The following MYOM1 variants were observed in gnomAD, a reference collection of about 807,000 sequenced individuals.
MYOM1 encodes the protein myomesin-1.
MYOM1 carries 164 observed loss-of-function variants against 205.3 expected under a neutral mutation model. The observed-to-expected ratio is 0.80, with a 90% CI of 0.70 to 0.91. MYOM1 has a LOEUF of 0.91. MYOM1 is among the 40% of genes least tolerant of loss of function. The probability of loss-of-function intolerance (pLI) is 0.00; values close to 1 mark genes in which losing one functional copy is unlikely to be tolerated. For missense variants in MYOM1, 2,011 were observed against 2,127.3 expected (o/e 0.95, Z 1.08); for synonymous variants, 772 against 789.4 (o/e 0.98, Z 0.37).
Position 3,151,683 on chromosome 18 carries a change from A to C in MYOM1, c.1843+11T>G. 1 of 1,605,288 alleles carries C rather than the reference A, an allele frequency of 6.2e-7. No homozygotes were observed. The highest frequency in any genetic ancestry group is 8.5e-7 in the Non-Finnish European group (1 of 1,175,100). ...GTTTAGGGAAGGTCCTGAAAAATGA[A>C]AAGTGCTTACTTTTAAGTCTAGCTT... is the stretch of plus-strand genomic sequence containing the variant. On this transcript the variant is annotated intron_variant, in intron 12 of 37. Transcript: ENST00000356443.
At chr18:3,076,059 A>G (rs2079018113) in intron 34 of MYOM1, among the ~76,000 whole-genome samples, 1 of 152,162 alleles carries the variant, frequency 6.6e-6, no homozygotes, top group Non-Finnish European at 1.5e-5. Context: ...AAATGGGAAT[A>G]AAAGTCTGTT....
chr18:3,116,285 G>T, intron 21 of MYOM1, 46 bp downstream of exon 21: 1 of 1,567,630 alleles, frequency 6.4e-7, no homozygotes, highest in Non-Finnish European at 8.7e-7. Flanking sequence ...GTTCGTATTA[G>T]TAGAGCAGTT....
chr18:3,072,350 CTTTTT>C (rs78331937), intron 36 of MYOM1, among the ~76,000 whole-genome samples: 2,105 of 56,226 alleles, frequency 0.037, 160 homozygotes, highest in African/African-American at 0.17. Flanking sequence ...CCGCACCCGG[CTTTTT>C]TTTTTTTTTT....
chr18:3,189,096 C>A lies in MYOM1; in HGVS notation c.432-9G>T, dbSNP rs766084176. 3.1e-6 allele frequency: 5 copies of A among 1,603,988 alleles called. No homozygotes were observed. Among genetic ancestry groups the A allele is most frequent in the Non-Finnish European group, 4.3e-6 (5 of 1,174,278 alleles). ...CACTGACATGCTTTTGACTAAAACA[C>A]AACAATGGCAAAATGTAGATGTTGT... On this transcript the variant is annotated splice_polypyrimidine_tract_variant and intron_variant, in intron 3 of 37. Coordinates refer to ENST00000356443, the MANE Select transcript of MYOM1 (RefSeq NM_003803.4). This position sits in a 1 kb window ranked among gnomAD's most constrained non-coding sequence, Gnocchi z 4.8.
chr18:3,099,130 T>C (rs1236918642), intron 25 of MYOM1, among the ~76,000 whole-genome samples: 2 of 152,184 alleles, frequency 1.3e-5, no homozygotes, highest in Non-Finnish European at 2.9e-5. Flanking sequence ...AAGTTGGTTT[T>C]GAGAACATTA....
chr18:3,199,098 G>A (rs1000397370), intron 2 of MYOM1, among the ~76,000 whole-genome samples: 1 of 152,188 alleles, frequency 6.6e-6, no homozygotes, highest in Non-Finnish European at 1.5e-5. Context: ...TGTCATTCCT[G>A]CCTAGGCTTC....
upstream of MYOM1, among the ~76,000 whole-genome samples, chr18:3,222,483 T>G (rs2081336294): frequency 6.6e-6 from 1 of 152,236 alleles, no homozygotes; most frequent in South Asian, 2.1e-4. Flanking sequence ...TGATAATATT[T>G]TAGTTTTTCT....
At chr18:3,169,335 A>T (rs1166058220) in intron 8 of MYOM1, among the ~76,000 whole-genome samples, 2 of 152,238 alleles carry the variant, frequency 1.3e-5, no homozygotes, top group East Asian at 3.8e-4. Flanking sequence ...TTAGATGTTG[A>T]GTTAAACTCT....
intron 33 of MYOM1, among the ~76,000 whole-genome samples, chr18:3,083,080 A>C (rs2143677628): frequency 6.6e-6 from 1 of 152,328 alleles, no homozygotes; most frequent in East Asian, 1.9e-4. Context: ...GAAAGGTAAG[A>C]ATGTGGCTCC....
rs763991578 is a variant in MYOM1, at chr18:3,126,774, C to T, written c.2918G>A (p.Arg973His). 51 of 1,613,718 alleles carry T rather than the reference C, an allele frequency of 3.2e-5. No individual in the cohort carries two copies. The highest frequency in any genetic ancestry group is 4.5e-5 in the East Asian group (2 of 44,886). ...TCCTGGTACCCCATCAATGACCTCG[C>T]GATAGTTCACATAATAGCCAGTAAT... ...AEITGYYVNY[R>H]EVIDGVPGKW... is the part of the protein sequence containing the mutation. The change falls in exon 19 of 38, where the codon CGC (arginine) becomes CAC (histidine). Residue 973 changes from arginine (R) to histidine (H), a missense_variant. By Grantham distance (29) the Arg-to-His change is conservative. Coordinates refer to ENST00000356443, the MANE Select transcript of MYOM1 (RefSeq NM_003803.4).
At chr18:3,150,979 CTTT>C (rs1164882266) in intron 12 of MYOM1, among the ~76,000 whole-genome samples, 2 of 55,922 alleles carry the variant, frequency 3.6e-5, no homozygotes, top group African/African-American at 1.4e-4. Context: ...CCATGCCTGG[CTTT>C]TTTTTTTTTT....
Position 3,164,330 on chromosome 18 carries a change from A to G in MYOM1, c.1449T>C (p.Arg483=). Residue 483 remains arginine (R), a synonymous_variant, in exon 10 of 38, where the codon CGT becomes CGC. Coordinates refer to ENST00000356443, the MANE Select transcript of MYOM1 (RefSeq NM_003803.4). ...GTTCATAATATTCTCCCATCCGTAC[A>G]CGGATTGTATAGAGGCCTTCATCTT... The part of the protein sequence containing the change: ...NKEDEGLYTI[R]VRMGEYYEQY... 1 of 1,613,034 alleles carries G rather than the reference A, an allele frequency of 6.2e-7. No individual in the cohort carries two copies. The highest frequency in any genetic ancestry group is 1.3e-5 in the African/African-American group (1 of 75,070).
Position 3,126,855 on chromosome 18 carries a change from A to T in MYOM1, c.2837T>A (p.Phe946Tyr). The T allele has an allele frequency of 1.2e-6, 2 of 1,613,042 alleles. No homozygotes were observed. Among genetic ancestry groups the T allele is most frequent in the Non-Finnish European group, 1.7e-6 (2 of 1,179,540 alleles). The change falls in exon 19 of 38, where the codon TTT (phenylalanine) becomes TAT (tyrosine). Residue 946 changes from phenylalanine (F) to tyrosine (Y), a missense_variant. Physicochemically the swap from Phe to Tyr is conservative, Grantham distance 22. Transcript: ENST00000356443. ...PPCDITCLES[F>Y]RDSMVLGWKQ... ...CCATCCAAGAACCATTGAGTCACGA[A>T]AACTTTCAAGACAGGTGATATCACA...
intron 10 of MYOM1, among the ~76,000 whole-genome samples, chr18:3,160,192 T>C (rs2080369931): frequency 6.6e-6 from 1 of 151,558 alleles, no homozygotes; most frequent in Non-Finnish European, 1.5e-5. Flanking sequence ...CTCTTTTTTT[T>C]CTTTCTTTTT....
intron 16 of MYOM1, among the ~76,000 whole-genome samples, chr18:3,133,094 T>C (rs1329079687): frequency 6.6e-6 from 1 of 152,088 alleles, no homozygotes; most frequent in Non-Finnish European, 1.5e-5. Flanking sequence ...AAATGGTGCC[T>C]GCCCTCTAGC....
intron 9 of MYOM1, among the ~76,000 whole-genome samples, chr18:3,167,020 T>C (rs1029434000): frequency 5.9e-5 from 9 of 152,236 alleles, no homozygotes; most frequent in African/African-American, 2.2e-4. Flanking sequence ...AGCATGGGCC[T>C]CGCAGATATG....
the MYOM1 span, among the ~76,000 whole-genome samples, chr18:3,240,379 TG>T: frequency 2.0e-5 from 3 of 152,130 alleles, no homozygotes; most frequent in African/African-American, 7.2e-5. Flanking sequence ...AACTGAATCA[TG>T]GGGGCAGGTC....
chr18:3,075,586 A>C, intron 35 of MYOM1, 110 bp from the exon 36 acceptor site: 2 of 1,436,228 alleles, frequency 1.4e-6, no homozygotes, highest in Non-Finnish European at 2.0e-6. Context: ...TTGCTGTTCA[A>C]TATAACAATG....
chr18:3,230,825 C>T, the MYOM1 span, among the ~76,000 whole-genome samples: 1 of 152,198 alleles, frequency 6.6e-6, no homozygotes, highest in Admixed American at 6.5e-5. Context: ...GCTTTTGTTG[C>T]ATCATTCTGT....
Sources: allele counts gnomAD v4.1 joint callset (sites outside exome capture counted in the v4.1 genomes callset), GRCh38; gene constraint gnomAD v4.1.1; non-coding constraint Gnocchi (gnomAD v3.1); transcripts MANE v1.5; gene names NCBI Gene and HGNC (gene_info 2026-07-23, HGNC 2026-07-21).